PDE1A: variants seen among roughly 807,000 people sequenced by gnomAD.
The protein encoded by PDE1A is dual specificity calcium/calmodulin-dependent 3',5'-cyclic nucleotide phosphodiesterase 1A.
A neutral mutation model predicts 61.7 loss-of-function variants in PDE1A; 35 were observed. The ratio of observed to expected loss-of-function variants is 0.57; its 90% confidence interval spans 0.43 to 0.75. The LOEUF (loss-of-function observed/expected upper bound fraction) is 0.75. Among genes scored for constraint, PDE1A ranks in the 30% least tolerant of loss-of-function variants. The pLI is 0.00. For synonymous variants in PDE1A, 232 were observed against 213.2 expected (o/e 1.09, Z -0.77); for missense variants, 597 against 630.6 (o/e 0.95, Z 0.57).
chr2:182,491,619 C>T (rs1688400650), intron 2 of PDE1A, among the ~76,000 whole-genome samples: 1 of 152,210 alleles, frequency 6.6e-6, no homozygotes, highest in Non-Finnish European at 1.5e-5. Flanking sequence ...TATGGGAAAG[C>T]TGTTTCCTAG....
chr2:182,491,232 G>A (rs77068450), intron 2 of PDE1A, among the ~76,000 whole-genome samples: 1,900 of 152,220 alleles, frequency 0.012, 29 homozygotes, highest in African/African-American at 0.043. Context: ...TTCTCCAACC[G>A]CAATCAGCTA....
chr2:182,575,341 G>A, the PDE1A span, among the ~76,000 whole-genome samples: 13 of 151,934 alleles, frequency 8.6e-5, 1 homozygote, highest in South Asian at 2.5e-3. Context: ...GATAGTCTGG[G>A]TCAATCACCC....
the PDE1A span, among the ~76,000 whole-genome samples, chr2:182,554,671 C>G: frequency 1.1e-4 from 16 of 152,132 alleles, no homozygotes; most frequent in Middle Eastern, 3.4e-3. Context: ...TAGAGTTATA[C>G]GAAGGAAATA....
At chr2:182,422,096 C>T (rs1703315283) in intron 1 of PDE1A, among the ~76,000 whole-genome samples, 2 of 152,162 alleles carry the variant, frequency 1.3e-5, no homozygotes, top group Non-Finnish European at 1.5e-5. Flanking sequence ...AGTCTTGAAA[C>T]CTGGCTGCCT....
At chr2:182,627,422 A>T in the PDE1A span, among the ~76,000 whole-genome samples, 1 of 86,424 alleles carries the variant, frequency 1.2e-5, no homozygotes, top group Non-Finnish European at 2.4e-5. Context: ...AATATATATT[A>T]TATTTAAATA....
intron 1 of PDE1A, among the ~76,000 whole-genome samples, chr2:182,381,620 T>C (rs1362907528): frequency 2.6e-5 from 4 of 152,130 alleles, no homozygotes; most frequent in Non-Finnish European, 5.9e-5. Flanking sequence ...GAGACCAGCC[T>C]GGCCAACAGG....
chr2:182,260,910 C>T (rs1327930569), intron 2 of PDE1A, among the ~76,000 whole-genome samples: 2 of 152,162 alleles, frequency 1.3e-5, no homozygotes, highest in African/African-American at 4.8e-5. Flanking sequence ...GGCCCTAATC[C>T]AACTCTTCAA....
intron 2 of PDE1A, among the ~76,000 whole-genome samples, chr2:182,475,988 G>A (rs1687333480): frequency 6.6e-6 from 1 of 151,788 alleles, no homozygotes; most frequent in Non-Finnish European, 1.5e-5. Flanking sequence ...GGCTATATGA[G>A]AAAAGAACAA....
chr2:182,263,028 A>G (rs1316037274), intron 2 of PDE1A, among the ~76,000 whole-genome samples: 1 of 150,456 alleles, frequency 6.6e-6, no homozygotes, highest in Non-Finnish European at 1.5e-5. Context: ...CACATAGGTA[A>G]ATAAAAACCA....
intron 13 of PDE1A, among the ~76,000 whole-genome samples, chr2:182,182,212 T>C (rs987543217): frequency 3.9e-5 from 6 of 152,194 alleles, no homozygotes; most frequent in African/African-American, 1.2e-4. Context: ...ATTTTACCTA[T>C]ATACAAATAA....
At chr2:182,423,147 T>C (rs1703385913) in intron 1 of PDE1A, among the ~76,000 whole-genome samples, 1 of 152,210 alleles carries the variant, frequency 6.6e-6, no homozygotes, top group Non-Finnish European at 1.5e-5. Flanking sequence ...AACTCCTGCC[T>C]TGGCCATAAA....
intron 1 of PDE1A, among the ~76,000 whole-genome samples, chr2:182,397,493 G>A (rs1196442383): frequency 6.6e-6 from 1 of 151,916 alleles, no homozygotes; most frequent in Non-Finnish European, 1.5e-5. Context: ...CGCTTTCCCT[G>A]AAAAAAAGTT....
At chr2:182,241,805 A>T in intron 2 of PDE1A, 1 of 1,512,738 alleles carries the variant, frequency 6.6e-7, no homozygotes. Flanking sequence ...TACTTACTCT[A>T]TATGATTTTT....
the PDE1A span, among the ~76,000 whole-genome samples, chr2:182,671,468 G>A: frequency 1.5e-4 from 22 of 147,758 alleles, no homozygotes; most frequent in African/African-American, 5.5e-4. Context: ...GATTACAGGC[G>A]TGAGCCACCA....
chr2:182,243,632 T>A (rs1226145166), intron 2 of PDE1A, among the ~76,000 whole-genome samples: 1 of 152,178 alleles, frequency 6.6e-6, no homozygotes, highest in East Asian at 1.9e-4. Context: ...TTAAGCAGGA[T>A]GTGATATGAT....
At chr2:182,359,429 A>G (rs1699377904) in intron 1 of PDE1A, among the ~76,000 whole-genome samples, 1 of 152,274 alleles carries the variant, frequency 6.6e-6, no homozygotes, top group Non-Finnish European at 1.5e-5. Context: ...GCTTTTAGAG[A>G]GGACAAATTT....
chr2:182,259,826 A>C (rs1692095987), intron 2 of PDE1A, among the ~76,000 whole-genome samples: 1 of 152,226 alleles, frequency 6.6e-6, no homozygotes, highest in South Asian at 2.1e-4. Context: ...GAGGCCAAAA[A>C]TGCTACTTTG....
chr2:182,380,950 T>G (rs1378003846), intron 1 of PDE1A, among the ~76,000 whole-genome samples: 9 of 152,192 alleles, frequency 5.9e-5, no homozygotes. Flanking sequence ...CATACTGTAG[T>G]GTGTCTGGGA....
intron 2 of PDE1A, among the ~76,000 whole-genome samples, chr2:182,490,279 C>G (rs894888103): frequency 1.3e-5 from 2 of 152,164 alleles, no homozygotes; most frequent in African/African-American, 4.8e-5. Flanking sequence ...AAGTGAAAAC[C>G]ATGAGTAGTC....
Sources: gnomAD v4.1 joint callset for allele counts (sites outside exome capture counted in the v4.1 genomes callset) on GRCh38, gnomAD v4.1.1 for gene constraint, MANE v1.5 for transcripts, NCBI Gene and HGNC (gene_info 2026-07-23, HGNC 2026-07-21) for gene names.